The following RIC8B variants were observed in gnomAD, a reference collection of about 807,000 sequenced individuals.
RIC8B encodes the protein RIC8 guanine nucleotide exchange factor B, also known as chaperone Ric-8B.
In RIC8B, 16 loss-of-function variants were observed where a neutral mutation model predicts 57.5. The ratio of observed to expected loss-of-function variants is 0.28; its 90% CI spans 0.19 to 0.42. The LOEUF (loss-of-function observed/expected upper bound fraction) is 0.42, where lower values mean the gene tolerates loss of function less well. RIC8B is among the 10% of genes least tolerant of loss of function. The pLI is 1.00. For synonymous variants in RIC8B, 216 were observed against 250.8 expected, an observed-to-expected ratio of 0.86 and a Z score of 1.31; for missense variants, 481 against 677.0, an observed-to-expected ratio of 0.71 and a Z score of 3.21.
intron 6 of RIC8B, among the ~76,000 whole-genome samples, chr12:106,847,574 G>T (rs1362044157): frequency 6.6e-6 from 1 of 152,046 alleles, no homozygotes; most frequent in East Asian, 1.9e-4. Context: ...CTTTAGATAG[G>T]TTACTCAATT....
chr12:106,874,812 T>C (rs576921972), intron 9 of RIC8B, among the ~76,000 whole-genome samples: 13 of 152,104 alleles, frequency 8.5e-5, no homozygotes, highest in Admixed American at 7.9e-4. Flanking sequence ...GACTTAAGAG[T>C]ATTCCAAGTG....
At position 106,886,956 on chromosome 12, in the gene RIC8B, T is replaced by A. The variant is rs148667675; in HGVS notation, c.*941T>A. 3 of 152,710 alleles carry A rather than the reference T, an allele frequency of 2.0e-5. No homozygotes were observed. The East Asian group carries it at 5.8e-4, about 29-fold the overall frequency. The allele number at this position is 152,710 out of a possible 1,614,324, so 9.5% of individuals were successfully genotyped here. On this transcript the variant is annotated 3_prime_UTR_variant, in exon 10 of 10. Transcript: ENST00000392837. Reference sequence around the variant, plus strand: ...TGGGGACTGTGTGTGCTGGTGTGTGTGTGAGTTCTACGTTTCTACCATATG... The same window carrying A: ...TGGGGACTGTGTGTGCTGGTGTGTGAGTGAGTTCTACGTTTCTACCATATG...
chr12:106,869,925 C>T (rs546599504), intron 8 of RIC8B, among the ~76,000 whole-genome samples: 9 of 152,222 alleles, frequency 5.9e-5, no homozygotes, highest in African/African-American at 1.7e-4. Flanking sequence ...GGTGACAGAG[C>T]GAGACTCCGT....
chr12:106,844,461 A>C (rs1032755436), intron 6 of RIC8B, among the ~76,000 whole-genome samples: 3 of 152,198 alleles, frequency 2.0e-5, no homozygotes, highest in Non-Finnish European at 4.4e-5. Context: ...AGGAAAAGCA[A>C]GAAGGCCTGT....
intron 2 of RIC8B, among the ~76,000 whole-genome samples, chr12:106,806,459 G>T (rs2045027553): frequency 1.3e-5 from 2 of 152,076 alleles, no homozygotes; most frequent in East Asian, 3.9e-4. Flanking sequence ...CCACTGAGTG[G>T]TGGCATCTTT....
chr12:106,804,310 G>A (rs1005826716), intron 2 of RIC8B, among the ~76,000 whole-genome samples: 1 of 151,920 alleles, frequency 6.6e-6, no homozygotes, highest in South Asian at 2.1e-4. Flanking sequence ...CGCCTCCTGG[G>A]CCCAAGCGAT....
chr12:106,775,197 T>C (rs905292142), intron 1 of RIC8B: 4 of 410,940 alleles, frequency 9.7e-6, no homozygotes, highest in Non-Finnish European at 1.9e-5. Flanking sequence ...AAATACGTGC[T>C]TCCCTGCATA....
rs1024628346 is a variant in RIC8B, at chr12:106,888,315, C to T, written c.*2300C>T. 1 of 152,240 alleles carries T rather than the reference C, an allele frequency of 6.6e-6. No homozygotes were observed. Among genetic ancestry groups the T allele is most frequent in the African/African-American group, 2.4e-5 (1 of 41,446 alleles). 9.4% of individuals were successfully genotyped at this position (152,240 alleles called of 1,614,324 possible). On this transcript the variant is annotated 3_prime_UTR_variant, in exon 10 of 10. Coordinates refer to ENST00000392837, the MANE Select transcript of RIC8B (RefSeq NM_001330145.2). ...TTTGCGGGGAAGAAGATGAGAGTGT[C>T]TTCATCTGGCACACAGAAAGAGAAC...
At chr12:106,842,483 A>T in intron 4 of RIC8B, 106 bp from the exon 5 acceptor site, 2 of 850,916 alleles carry the variant, frequency 2.4e-6, no homozygotes, top group Non-Finnish European at 1.8e-6. Context: ...GAAAAGAAAT[A>T]TTTTAATTGA....
intron 8 of RIC8B, among the ~76,000 whole-genome samples, chr12:106,865,952 G>C (rs187204746): frequency 6.6e-6 from 1 of 152,058 alleles, no homozygotes. Context: ...CTGTCATATC[G>C]CTCTCATTCC....
chr12:106,888,269 G>A lies in RIC8B; in HGVS notation c.*2254G>A, dbSNP rs1951262045. On this transcript the variant is annotated 3_prime_UTR_variant, in exon 10 of 10. Coordinates refer to ENST00000392837, the MANE Select transcript of RIC8B (RefSeq NM_001330145.2). ...TGCATTTCTCTGCACTGGGCACTAA[G>A]CTTTGTTTTTGAAAAGAGAGTTTGC... 1 of 152,188 alleles carries A rather than the reference G, an allele frequency of 6.6e-6. No homozygotes were observed. The highest frequency in any genetic ancestry group is 1.5e-5 in the Non-Finnish European group (1 of 68,044). 9.4% of individuals were successfully genotyped at this position (152,188 alleles called of 1,614,324 possible). A position where few individuals can be genotyped will look rare whatever the true frequency, so the allele number is the denominator to read the frequency against.
At chr12:106,792,068 A>C (rs1323669755) in intron 2 of RIC8B, among the ~76,000 whole-genome samples, 1 of 152,224 alleles carries the variant, frequency 6.6e-6, no homozygotes, top group East Asian at 1.9e-4. Flanking sequence ...TACAGTTCTC[A>C]CTTAGAAACC....
At chr12:106,815,354 G>A (rs1320591357) in intron 3 of RIC8B, 50 bp downstream of exon 3, 1 of 1,528,548 alleles carries the variant, frequency 6.5e-7, no homozygotes. Context: ...ATTGGTCTGG[G>A]ACATCCCTAG....
intron 2 of RIC8B, among the ~76,000 whole-genome samples, chr12:106,812,299 C>A (rs924238500): frequency 6.6e-6 from 1 of 152,140 alleles, no homozygotes; most frequent in Non-Finnish European, 1.5e-5. Flanking sequence ...TTGTAGGCAC[C>A]TTTAATCTCT....
intron 2 of RIC8B, among the ~76,000 whole-genome samples, chr12:106,801,482 A>G (rs1214062751): frequency 2.0e-5 from 3 of 152,226 alleles, no homozygotes; most frequent in Non-Finnish European, 4.4e-5. Context: ...AAACATGTAC[A>G]TGTGCAGGAA....
chr12:106,778,939 T>G (rs2043615581), intron 1 of RIC8B, among the ~76,000 whole-genome samples: 1 of 152,106 alleles, frequency 6.6e-6, no homozygotes, highest in Non-Finnish European at 1.5e-5. Flanking sequence ...TGAGATGGAG[T>G]TTTGCTCTTG....
chr12:106,881,413 T>C (rs1045943812), intron 9 of RIC8B, among the ~76,000 whole-genome samples: 5 of 151,186 alleles, frequency 3.3e-5, no homozygotes, highest in African/African-American at 9.7e-5. Context: ...CTCTTGCTTC[T>C]GTGCCTCTGC....
chr12:106,860,835 C>T (rs1256358482), intron 8 of RIC8B, among the ~76,000 whole-genome samples: 1 of 152,030 alleles, frequency 6.6e-6, no homozygotes, highest in African/African-American at 2.4e-5. Context: ...CATAAAAGCC[C>T]TTATAAGTCA....
At chr12:106,875,732 T>TA (rs1462911685) in intron 9 of RIC8B, among the ~76,000 whole-genome samples, 1 of 152,138 alleles carries the variant, frequency 6.6e-6, no homozygotes, top group Non-Finnish European at 1.5e-5. Context: ...AAATTAAAGA[T>TA]AATTGTTCTA....
Sources: gnomAD v4.1 joint callset for allele counts (sites outside exome capture counted in the v4.1 genomes callset) on GRCh38, gnomAD v4.1.1 for gene constraint, MANE v1.5 for transcripts, NCBI Gene and HGNC (gene_info 2026-07-23, HGNC 2026-07-21) for gene names.